The following SYCE2 variants were observed in gnomAD, a reference collection of about 807,000 sequenced individuals.
SYCE2 encodes central element synaptonemal complex 1.
In SYCE2, 3 loss-of-function variants were observed where a neutral mutation model predicts 27.9. The ratio of observed to expected loss-of-function variants is 0.11; its 90% CI spans 0.05 to 0.28. The LOEUF (loss-of-function observed/expected upper bound fraction) is 0.28, where lower values mean the gene tolerates loss of function less well. Ranked by LOEUF, SYCE2 falls within the 10% of genes least tolerant of loss-of-function variation. The probability of loss-of-function intolerance (pLI) is 1.00; values close to 1 mark genes in which losing one functional copy is unlikely to be tolerated. For missense variants in SYCE2, 207 were observed against 263.5 expected (o/e 0.79, Z 1.48); for synonymous variants, 85 against 100.7 (o/e 0.84, Z 0.93).
chr19:12,917,659 C>CTT lies in SYCE2; in HGVS notation c.131+561_131+562dup, dbSNP rs71168635. ...TACAGGCATAAGCCACCATTCCTGG[C>CTT]TTTTTTTTTTTTTTTTTGAGACAGC... On this transcript the variant is annotated intron_variant, in intron 2 of 5. Transcript: ENST00000293695. Among the ~76,000 whole-genome samples, 93 of 79,404 alleles carry CTT rather than the reference C, an allele frequency of 1.2e-3. 4 individuals are homozygous for CTT. Among genetic ancestry groups the CTT allele is most frequent in the South Asian group, 6.7e-3 (13 of 1,938 alleles). The allele number at this position is 79,404 out of a possible 152,430, so 52.1% of individuals were successfully genotyped here. A position where few individuals can be genotyped will look rare whatever the true frequency, so the allele number is the denominator to read the frequency against.
intron 5 of SYCE2, 180 bp from the exon 6 acceptor site, chr19:12,899,565 C>T (rs1436588939): frequency 1.2e-5 from 19 of 1,614,096 alleles, no homozygotes; most frequent in Non-Finnish European, 1.6e-5. Flanking sequence ...GGGCCCGAAA[C>T]TCTCAAGCCC....
Position 12,901,512 on chromosome 19 carries a change from C to A in SYCE2, c.307-864G>T, listed in dbSNP as rs115456497. 3.8e-3 allele frequency among the ~76,000 whole-genome samples: 578 copies of A among 152,204 alleles called. 3 individuals carry two copies. Among genetic ancestry groups the A allele is most frequent in the African/African-American group, 0.013 (552 of 41,524 alleles). On this transcript the variant is annotated intron_variant, in intron 3 of 5. Transcript: ENST00000293695. ...TCATGATCACACTACTGCACTCCAG[C>A]CTGAGAGACCCTACCTCAAAAGAAG... is the stretch of plus-strand genomic sequence containing the variant.
chr19:12,902,867 G>A (rs1970865784), intron 3 of SYCE2, among the ~76,000 whole-genome samples: 1 of 151,586 alleles, frequency 6.6e-6, no homozygotes, highest in African/African-American at 2.4e-5. Flanking sequence ...CCTAGAACCA[G>A]CAAGCTGTCC....
chr19:12,905,785 G>T (rs966379720), intron 2 of SYCE2, among the ~76,000 whole-genome samples: 1 of 152,106 alleles, frequency 6.6e-6, no homozygotes. Flanking sequence ...CTACAAGCAT[G>T]TGCTACCATG....
intron 2 of SYCE2, among the ~76,000 whole-genome samples, chr19:12,907,774 G>A (rs887337528): frequency 3.3e-5 from 5 of 151,356 alleles, no homozygotes; most frequent in African/African-American, 1.2e-4. Context: ...CTGGGCAACA[G>A]AGCGAGACTC....
chr19:12,914,797 C>T (rs1327719510), intron 2 of SYCE2, among the ~76,000 whole-genome samples: 11 of 152,040 alleles, frequency 7.2e-5, no homozygotes, highest in African/African-American at 2.4e-4. Flanking sequence ...TTAGTAGAGA[C>T]GGGGTTTTGC....
At chr19:12,907,875 G>A (rs535487919) in intron 2 of SYCE2, among the ~76,000 whole-genome samples, 25 of 152,168 alleles carry the variant, frequency 1.6e-4, no homozygotes, top group Non-Finnish European at 2.8e-4. Context: ...GCACTTCGGG[G>A]GGCTAAGGCA....
chr19:12,901,564 C>G (rs1970839586), intron 3 of SYCE2, among the ~76,000 whole-genome samples: 1 of 151,984 alleles, frequency 6.6e-6, no homozygotes, highest in South Asian at 2.1e-4. Context: ...AAACTAAAAC[C>G]CAGTGCAGTG....
At chr19:12,919,129 T>A (rs1441821522) in intron 1 of SYCE2, 114 bp downstream of exon 1, 1 of 1,425,724 alleles carries the variant, frequency 7.0e-7, no homozygotes. Flanking sequence ...GGAGCCCCAA[T>A]GGCAAAGGAC....
intron 1 of SYCE2, 103 bp from the exon 2 acceptor site, chr19:12,918,440 G>A (rs572388584): frequency 1.3e-5 from 13 of 1,030,050 alleles, no homozygotes; most frequent in East Asian, 1.2e-4. Context: ...GTGCTGCTGC[G>A]GGACGGTGGG....
intron 2 of SYCE2, among the ~76,000 whole-genome samples, chr19:12,913,050 G>C (rs1376962009): frequency 6.6e-6 from 1 of 152,184 alleles, no homozygotes; most frequent in Non-Finnish European, 1.5e-5. Flanking sequence ...TCCTAGGCTG[G>C]CTTCTGTTGC....
In SYCE2 at chr19:12,899,298, TCTC is replaced by T. The variant is rs778174422; in HGVS notation, c.*40_*42del. ...GGCCCAAATGGTGGCCTCACAGTCT[TCTC>T]CTGGAGACTGTCACTAAGGCGTGAG... On this transcript the variant is annotated 3_prime_UTR_variant, in exon 6 of 6. Coordinates refer to ENST00000293695, the MANE Select transcript of SYCE2 (RefSeq NM_001105578.2). 13 of 1,537,678 alleles carry T rather than the reference TCTC, an allele frequency of 8.5e-6. No individual in the cohort carries two copies. The highest frequency in any genetic ancestry group is 5.0e-5 in the Admixed American group (3 of 59,886).
intron 3 of SYCE2, 83 bp from the exon 4 acceptor site, chr19:12,900,731 C>T: frequency 1.5e-6 from 2 of 1,304,874 alleles, no homozygotes; most frequent in African/African-American, 1.5e-5. Context: ...TCTTAGATTT[C>T]TGCAATTTAT....
chr19:12,901,169 A>AAAATAAATAAATAAAT (rs368396066), intron 3 of SYCE2, among the ~76,000 whole-genome samples: 11 of 140,752 alleles, frequency 7.8e-5, no homozygotes, highest in African/African-American at 1.3e-4. Flanking sequence ...ACTCCATCTC[A>AAAATAAATAAATAAAT]AAATAAATAA....
Position 12,900,059 on chromosome 19 carries a change from C to T in SYCE2, c.557G>A (p.Gly186Asp). The T allele has an allele frequency of 6.2e-7, 1 of 1,613,616 alleles. No homozygotes were observed. Among genetic ancestry groups the T allele is most frequent in the Non-Finnish European group, 8.5e-7 (1 of 1,179,974 alleles). ...GAACACGTCTGGGGGCTGTGAGTTG[C>T]CGGGACGTGGTGGGGACTTTCCCCT... is the stretch of plus-strand genomic sequence containing the variant. ...HSRGKSPPRP[G>D]NSQPPDVFVS... is the part of the protein sequence containing the mutation. Residue 186 changes from glycine to aspartate, a missense_variant, in exon 5 of 6, where the codon GGC becomes GAC. By Grantham distance (94) the Gly-to-Asp change is moderately conservative. Transcript: ENST00000293695.
chr19:12,899,709 T>C (rs1382282082), intron 5 of SYCE2: 1 of 1,611,994 alleles, frequency 6.2e-7, no homozygotes. Flanking sequence ...GTCGTTCAGA[T>C]GTGTTCCTTA....
chr19:12,908,139 TCAAA>T (rs558394349), intron 2 of SYCE2, among the ~76,000 whole-genome samples: 8 of 151,928 alleles, frequency 5.3e-5, no homozygotes, highest in African/African-American at 1.5e-4. Context: ...AGACCCTGTT[TCAAA>T]CAAACAAACA....
intron 2 of SYCE2, among the ~76,000 whole-genome samples, chr19:12,905,567 G>A (rs1021932047): frequency 6.6e-6 from 1 of 152,088 alleles, no homozygotes; most frequent in Non-Finnish European, 1.5e-5. Context: ...TCCTGACCTC[G>A]TGATCCGCCC....
chr19:12,916,345 A>T (rs1971139049), intron 2 of SYCE2, among the ~76,000 whole-genome samples: 1 of 152,094 alleles, frequency 6.6e-6, no homozygotes, highest in Admixed American at 6.6e-5. Context: ...CTAGGATTAC[A>T]GGTTGAGCCA....
Sources: gnomAD v4.1 joint callset for allele counts (sites outside exome capture counted in the v4.1 genomes callset) on GRCh38, gnomAD v4.1.1 for gene constraint, MANE v1.5 for transcripts, NCBI Gene and HGNC (gene_info 2026-07-23, HGNC 2026-07-21) for gene names.